Variants in PPP2R2B observed in about 807,000 individuals in gnomAD.
The protein encoded by PPP2R2B is protein phosphatase 2 regulatory subunit Bbeta, also known as serine/threonine-protein phosphatase 2A 55 kDa regulatory subunit B beta isoform.
PPP2R2B carries 5 observed loss-of-function variants against 46.0 expected under a neutral mutation model. The ratio of observed to expected loss-of-function variants is 0.11; its 90% CI spans 0.06 to 0.23. The LOEUF (loss-of-function observed/expected upper bound fraction) is 0.23, where lower values mean the gene tolerates loss of function less well. Ranked by LOEUF, PPP2R2B falls within the 10% of genes least tolerant of loss-of-function variation. The probability of loss-of-function intolerance (pLI) is 1.00; values close to 1 mark genes in which losing one functional copy is unlikely to be tolerated. For synonymous variants in PPP2R2B, 215 were observed against 206.7 expected (o/e 1.04, Z -0.34); for missense variants, 367 against 575.0 (o/e 0.64, Z 3.70).
chr5:146,692,060 G>C (rs1352630638), intron 4 of PPP2R2B, among the ~76,000 whole-genome samples: 4 of 152,062 alleles, frequency 2.6e-5, no homozygotes, highest in African/African-American at 9.7e-5. Flanking sequence ...ATAACTATCT[G>C]TCTCTTTCAC....
upstream of PPP2R2B, among the ~76,000 whole-genome samples, chr5:146,880,476 T>C (rs536650019): frequency 1.3e-5 from 2 of 152,310 alleles, no homozygotes; most frequent in East Asian, 1.9e-4. Flanking sequence ...TCTTGGATAT[T>C]GGCACAATTT....
chr5:146,653,483 G>T (rs1776114643), intron 5 of PPP2R2B, among the ~76,000 whole-genome samples: 1 of 152,092 alleles, frequency 6.6e-6, no homozygotes, highest in Admixed American at 6.5e-5. Context: ...TGAAGCTTGT[G>T]GTTGCTACCT....
chr5:146,969,811 G>A (rs571548026), intron 1 of PPP2R2B, among the ~76,000 whole-genome samples: 1 of 152,312 alleles, frequency 6.6e-6, no homozygotes, highest in East Asian at 1.9e-4. Context: ...AAGTGGAGAT[G>A]GTGGTAGGGG....
At chr5:146,627,923 C>T (rs900433189) in intron 7 of PPP2R2B, among the ~76,000 whole-genome samples, 10 of 152,046 alleles carry the variant, frequency 6.6e-5, no homozygotes, top group Non-Finnish European at 1.2e-4. Context: ...TCTCCAATGA[C>T]TACACTGTTC....
At chr5:146,707,525 G>A (rs1409125328) in intron 2 of PPP2R2B, 5 of 730,136 alleles carry the variant, frequency 6.8e-6, no homozygotes, top group Admixed American at 1.9e-5. Context: ...AGGCCCACTC[G>A]TGTAGGAGCA....
At chr5:146,858,314 C>T (rs373205379) in intron 2 of PPP2R2B, among the ~76,000 whole-genome samples, 53 of 152,218 alleles carry the variant, frequency 3.5e-4, no homozygotes, top group African/African-American at 1.3e-3. Flanking sequence ...GCAAATAATA[C>T]TTATGACCAC....
At chr5:146,806,973 T>C (rs1757217501) in intron 2 of PPP2R2B, among the ~76,000 whole-genome samples, 1 of 152,124 alleles carries the variant, frequency 6.6e-6, no homozygotes, top group African/African-American at 2.4e-5. Context: ...CATTTCCCTA[T>C]CTGAAAAAGA....
At chr5:146,621,043 C>T (rs538814697) in intron 7 of PPP2R2B, among the ~76,000 whole-genome samples, 2 of 152,238 alleles carry the variant, frequency 1.3e-5, no homozygotes, top group South Asian at 2.1e-4. Context: ...GATCTCCCTG[C>T]AGAGCAAGGT....
At chr5:146,638,535 G>A in intron 6 of PPP2R2B, 120 bp from the exon 7 acceptor site, 3 of 922,616 alleles carry the variant, frequency 3.3e-6, no homozygotes, top group Non-Finnish European at 4.7e-6. Flanking sequence ...TATGCACATG[G>A]TAGATCCTCA....
chr5:146,633,219 T>G (rs1460773771), intron 7 of PPP2R2B, among the ~76,000 whole-genome samples: 1 of 152,188 alleles, frequency 6.6e-6, no homozygotes. Context: ...CATATGGAAA[T>G]TAATAAATGC....
chr5:146,674,678 G>A (rs1488394234), intron 5 of PPP2R2B, among the ~76,000 whole-genome samples: 1 of 152,148 alleles, frequency 6.6e-6, no homozygotes, highest in Non-Finnish European at 1.5e-5. Flanking sequence ...TCCATCATTG[G>A]CAGCAGGAAT....
At chr5:146,857,312 T>G (rs1209995509) in intron 2 of PPP2R2B, among the ~76,000 whole-genome samples, 1 of 151,998 alleles carries the variant, frequency 6.6e-6, no homozygotes, top group East Asian at 1.9e-4. Context: ...TAAGAAGAAA[T>G]ATTCAAAATA....
chr5:146,755,842 C>T (rs1364916854), intron 2 of PPP2R2B, among the ~76,000 whole-genome samples: 2 of 152,158 alleles, frequency 1.3e-5, no homozygotes, highest in Non-Finnish European at 2.9e-5. Context: ...CCCTGATCCT[C>T]GTCTGTGGCT....
intron 2 of PPP2R2B, among the ~76,000 whole-genome samples, chr5:146,842,715 C>G (rs1233575895): frequency 6.6e-6 from 1 of 152,078 alleles, no homozygotes; most frequent in Non-Finnish European, 1.5e-5. Context: ...TCATTTAGCT[C>G]CCACTTATAA....
intron 1 of PPP2R2B, among the ~76,000 whole-genome samples, chr5:146,992,175 C>G (rs1188224955): frequency 6.6e-6 from 1 of 152,108 alleles, no homozygotes; most frequent in African/African-American, 2.4e-5. Context: ...AACACACATA[C>G]AGACAAACAG....
chr5:147,037,322 A>G (rs533221492), intron 1 of PPP2R2B, among the ~76,000 whole-genome samples: 2 of 152,226 alleles, frequency 1.3e-5, no homozygotes, highest in African/African-American at 4.8e-5. Flanking sequence ...CAAGAAAAAC[A>G]TAGCTACATG....
chr5:146,984,965 T>G (rs571492334), intron 1 of PPP2R2B, among the ~76,000 whole-genome samples: 5 of 152,106 alleles, frequency 3.3e-5, no homozygotes, highest in Non-Finnish European at 7.4e-5. Flanking sequence ...TTCTTATATA[T>G]TTGGGATATT....
At chr5:146,939,378 G>A (rs1764252763) in intron 1 of PPP2R2B, among the ~76,000 whole-genome samples, 1 of 152,200 alleles carries the variant, frequency 6.6e-6, no homozygotes, top group South Asian at 2.1e-4. Context: ...GCACATGCAA[G>A]TCACGTTCAA....
chr5:146,825,373 C>G (rs1222561324), intron 2 of PPP2R2B, among the ~76,000 whole-genome samples: 2 of 152,190 alleles, frequency 1.3e-5, no homozygotes, highest in Non-Finnish European at 1.5e-5. Flanking sequence ...CATAGTATCT[C>G]CTAGTATTCT....
Sources: gnomAD v4.1 joint callset for allele counts (sites outside exome capture counted in the v4.1 genomes callset) on GRCh38, gnomAD v4.1.1 for gene constraint, MANE v1.5 for transcripts, NCBI Gene and HGNC (gene_info 2026-07-23, HGNC 2026-07-21) for gene names.